The following GRIP1 variants were observed in gnomAD, a reference collection of about 807,000 sequenced individuals.
The protein encoded by GRIP1 is glutamate receptor interacting protein 1, also known as glutamate receptor-interacting protein 1.
A neutral mutation model predicts 129.9 loss-of-function variants in GRIP1; 45 were observed. The ratio of observed to expected loss-of-function variants is 0.35; its 90% CI spans 0.27 to 0.44. The LOEUF (loss-of-function observed/expected upper bound fraction) is 0.44, where lower values mean the gene tolerates loss of function less well. GRIP1 is among the 20% of genes least tolerant of loss of function. The pLI is 1.00. For missense variants in GRIP1, 1,196 were observed against 1,396.8 expected (o/e 0.86, Z 2.29); for synonymous variants, 530 against 520.8 (o/e 1.02, Z -0.24).
At chr12:66,916,535 T>C (rs1016786773) in intron 1 of GRIP1, among the ~76,000 whole-genome samples, 5 of 152,082 alleles carry the variant, frequency 3.3e-5, no homozygotes, top group Admixed American at 2.6e-4. Flanking sequence ...CTTTCATGTT[T>C]AAAAAAAGAA....
chr12:66,361,327 A>G (rs901684761), intron 23 of GRIP1, among the ~76,000 whole-genome samples: 9 of 152,134 alleles, frequency 5.9e-5, no homozygotes, highest in Non-Finnish European at 1.2e-4. Context: ...GGAAAAAATG[A>G]GGGCTCAACA....
intron 24 of GRIP1, among the ~76,000 whole-genome samples, chr12:66,350,969 G>A (rs375945903): frequency 1.6e-4 from 25 of 152,292 alleles, no homozygotes; most frequent in East Asian, 1.5e-3. Flanking sequence ...CCTCAACTGC[G>A]ATGAGAGTAG....
chr12:66,509,336 T>C (rs779129695), intron 7 of GRIP1, among the ~76,000 whole-genome samples: 5 of 152,194 alleles, frequency 3.3e-5, no homozygotes, highest in Non-Finnish European at 7.3e-5. Context: ...CACTTCATCT[T>C]TTCATCAGTC....
At chr12:66,625,813 G>C (rs1387501491) in intron 1 of GRIP1, among the ~76,000 whole-genome samples, 2 of 152,104 alleles carry the variant, frequency 1.3e-5, no homozygotes, top group African/African-American at 4.8e-5. Flanking sequence ...AGAATAAAGA[G>C]TATATAGAGA....
intron 1 of GRIP1, among the ~76,000 whole-genome samples, chr12:66,614,177 C>G (rs1162981634): frequency 6.6e-6 from 1 of 151,990 alleles, no homozygotes; most frequent in Non-Finnish European, 1.5e-5. Context: ...CCCTTCTTTC[C>G]TTGCTATCAC....
At chr12:66,586,658 C>A (rs1318994181) in intron 2 of GRIP1, among the ~76,000 whole-genome samples, 1 of 152,140 alleles carries the variant, frequency 6.6e-6, no homozygotes, top group Non-Finnish European at 1.5e-5. Flanking sequence ...AGTATTTACC[C>A]AATTGTTAAG....
chr12:67,038,313 T>G (rs984003790), intron 1 of GRIP1, among the ~76,000 whole-genome samples: 2 of 152,226 alleles, frequency 1.3e-5, no homozygotes, highest in African/African-American at 4.8e-5. Flanking sequence ...CCATTCCCAC[T>G]GCCACATTCC....
chr12:66,413,935 A>C (rs1425332776), intron 15 of GRIP1, among the ~76,000 whole-genome samples: 1 of 152,194 alleles, frequency 6.6e-6, no homozygotes, highest in Non-Finnish European at 1.5e-5. Context: ...CTCGGTATTG[A>C]AGGAACATAA....
chr12:66,461,059 G>A lies in GRIP1; in HGVS notation c.1042+1865C>T, dbSNP rs566712766. ...AACTTCCTATCAGTTTCCTATCCCT[G>A]CAACACAAACGACATCAGGTTTTCC... On this transcript the variant is annotated intron_variant, in intron 9 of 24. Transcript: ENST00000359742. Among the ~76,000 whole-genome samples the A allele has an allele frequency of 4.6e-4, 70 of 152,206 alleles. No homozygotes were observed. In the South Asian group the frequency reaches 8.9e-3, roughly 19 times the overall value.
chr12:66,427,124 C>T (rs2058012608), intron 14 of GRIP1, among the ~76,000 whole-genome samples: 1 of 152,176 alleles, frequency 6.6e-6, no homozygotes, highest in South Asian at 2.1e-4. Context: ...GTCCCTGAAC[C>T]TGTACTCCAA....
At chr12:66,936,803 C>A (rs1256873724) in intron 1 of GRIP1, among the ~76,000 whole-genome samples, 3 of 152,154 alleles carry the variant, frequency 2.0e-5, no homozygotes, top group Non-Finnish European at 1.5e-5. Flanking sequence ...ACCAGGGTAA[C>A]CACAAAATTA....
chr12:66,716,845 C>T (rs903850579), intron 1 of GRIP1, among the ~76,000 whole-genome samples: 28 of 152,038 alleles, frequency 1.8e-4, no homozygotes, highest in African/African-American at 6.8e-4. Flanking sequence ...TTGACACCCT[C>T]ATCAACTCCA....
At chr12:66,370,036 G>A (rs78203535) in intron 23 of GRIP1, among the ~76,000 whole-genome samples, 2,294 of 152,198 alleles carry the variant, frequency 0.015, 57 homozygotes, top group African/African-American at 0.052. Context: ...TCTAGACTCT[G>A]GTCATGTTAG....
At chr12:66,729,188 A>C (rs1407123370) in intron 1 of GRIP1, among the ~76,000 whole-genome samples, 4 of 152,124 alleles carry the variant, frequency 2.6e-5, no homozygotes, top group Non-Finnish European at 5.9e-5. Context: ...GAGCCTAACT[A>C]AAACATGCTA....
At chr12:66,449,977 T>G (rs1236008761) in intron 11 of GRIP1, among the ~76,000 whole-genome samples, 3 of 152,038 alleles carry the variant, frequency 2.0e-5, no homozygotes, top group African/African-American at 7.2e-5. Context: ...TTTCAGAAAC[T>G]TTAAGGCAGC....
intron 2 of GRIP1, among the ~76,000 whole-genome samples, chr12:66,569,972 G>A (rs114858604): frequency 0.015 from 2,328 of 152,206 alleles, 67 homozygotes; most frequent in African/African-American, 0.054. Context: ...ACCAGGAACT[G>A]CAACCAAGTA....
At chr12:66,928,234 T>C (rs559233102) in intron 1 of GRIP1, among the ~76,000 whole-genome samples, 2 of 152,172 alleles carry the variant, frequency 1.3e-5, no homozygotes, top group Non-Finnish European at 2.9e-5. Flanking sequence ...GAAAAGAAAA[T>C]GTGCTTTTAA....
intron 7 of GRIP1, among the ~76,000 whole-genome samples, chr12:66,497,293 A>G (rs913404448): frequency 6.6e-6 from 1 of 152,202 alleles, no homozygotes; most frequent in Non-Finnish European, 1.5e-5. Context: ...AAACAGGGAG[A>G]CCTAATCTAG....
intron 15 of GRIP1, among the ~76,000 whole-genome samples, chr12:66,419,596 T>A (rs939278242): frequency 2.0e-5 from 3 of 152,050 alleles, no homozygotes; most frequent in Admixed American, 2.0e-4. Context: ...CCCACAAAAA[T>A]TAAAAATAAA....
Sources: allele counts gnomAD v4.1 joint callset (sites outside exome capture counted in the v4.1 genomes callset), GRCh38; gene constraint gnomAD v4.1.1; transcripts MANE v1.5; gene names NCBI Gene and HGNC (gene_info 2026-07-23, HGNC 2026-07-21).